Variants in PSD2 observed in about 807,000 individuals in gnomAD.
The protein encoded by PSD2 is pleckstrin and Sec7 domain containing 2.
In PSD2, 38 loss-of-function variants were observed where a neutral mutation model predicts 69.8. That is an observed-to-expected ratio of 0.54 (90% CI 0.42 to 0.71). The LOEUF is 0.71. Among genes scored for constraint, PSD2 ranks in the 30% least tolerant of loss-of-function variants. The pLI, the probability that PSD2 is intolerant of heterozygous loss-of-function variation, is 0.00. For synonymous variants in PSD2, 412 were observed against 423.0 expected (o/e 0.97, Z 0.32); for missense variants, 943 against 1,014.5 (o/e 0.93, Z 0.96).
chr5:139,801,204 CAAA>C (rs56715764), intron 1 of PSD2, among the ~76,000 whole-genome samples: 6 of 127,088 alleles, frequency 4.7e-5, no homozygotes, highest in African/African-American at 5.6e-5. Flanking sequence ...GACTCCATCT[CAAA>C]AAAAAAAAAA....
At chr5:139,795,381 C>G (rs1759492960), upstream of PSD2, among the ~76,000 whole-genome samples, 5 of 152,158 alleles carry the variant, frequency 3.3e-5, no homozygotes, top group South Asian at 1.0e-3. The surrounding 1 kb of genome is among the most constrained non-coding windows in gnomAD (Gnocchi z 4.5). Context: ...ACTCCCTGAA[C>G]AGACCGCGGG....
At chr5:139,831,195 A>G (rs1214276217) in intron 7 of PSD2, among the ~76,000 whole-genome samples, 1 of 152,146 alleles carries the variant, frequency 6.6e-6, no homozygotes, top group African/African-American at 2.4e-5. Flanking sequence ...TATGTCTAGT[A>G]ATGCTTCTTG....
chr5:139,836,909 C>T lies in PSD2; in HGVS notation c.1502C>T (p.Pro501Leu), dbSNP rs775417194. The T allele has an allele frequency of 2.5e-6, 4 of 1,614,168 alleles. No individual in the cohort carries two copies. The highest frequency in any genetic ancestry group is 3.4e-6 in the Non-Finnish European group (4 of 1,180,020). The change falls in exon 10 of 15, where the codon CCC becomes CTC. Residue 501 changes from proline (P) to leucine (L), a missense_variant. Transcript: ENST00000274710. Reference sequence around the variant, plus strand: ...ACGCGAATCCTGGATGGTGGCAACCCCTTCCTGGATGTCCCACAGGCGCTC... The same window carrying T: ...ACGCGAATCCTGGATGGTGGCAACCTCTTCCTGGATGTCCCACAGGCGCTC... ...KVTRILDGGN[P>L]FLDVPQALSA...
At chr5:139,810,933 C>T (rs1561595787) in intron 2 of PSD2, among the ~76,000 whole-genome samples, 1 of 152,104 alleles carries the variant, frequency 6.6e-6, no homozygotes, top group Non-Finnish European at 1.5e-5. Context: ...GGCCACCCCT[C>T]AGCCTTGCTC....
intron 5 of PSD2, among the ~76,000 whole-genome samples, chr5:139,820,502 T>C (rs560187138): frequency 1.6e-4 from 25 of 152,200 alleles, no homozygotes; most frequent in African/African-American, 5.5e-4. Flanking sequence ...CCTCAGAGTG[T>C]AAGGGCTGGC....
At chr5:139,766,793 G>A in the PSD2 span, among the ~76,000 whole-genome samples, 1 of 151,504 alleles carries the variant, frequency 6.6e-6, no homozygotes, top group South Asian at 2.1e-4. Flanking sequence ...AAAGAGCACT[G>A]ACTGGCCTGG....
At chr5:139,783,562 T>TAA in the PSD2 span, among the ~76,000 whole-genome samples, 2 of 152,220 alleles carry the variant, frequency 1.3e-5, no homozygotes, top group South Asian at 2.1e-4. Flanking sequence ...GACACCAGGT[T>TAA]GTTTCCACCT....
chr5:139,804,786 C>G (rs1759756792), intron 1 of PSD2, among the ~76,000 whole-genome samples: 1 of 152,044 alleles, frequency 6.6e-6, no homozygotes, highest in African/African-American at 2.4e-5. Flanking sequence ...TGCCCATAGG[C>G]CTGCCAGTGC....
chr5:139,760,080 C>G, the PSD2 span, among the ~76,000 whole-genome samples: 1 of 152,244 alleles, frequency 6.6e-6, no homozygotes, highest in African/African-American at 2.4e-5. Flanking sequence ...GCTCTACTCC[C>G]TGACCTTCGG....
At chr5:139,820,240 T>C (rs887162344) in intron 5 of PSD2, among the ~76,000 whole-genome samples, 8 of 149,652 alleles carry the variant, frequency 5.3e-5, no homozygotes, top group Non-Finnish European at 3.0e-5. Flanking sequence ...GGCTGGGGAG[T>C]AGGAGTTGGG....
the PSD2 span, among the ~76,000 whole-genome samples, chr5:139,744,631 C>T: frequency 2.0e-5 from 3 of 152,106 alleles, no homozygotes; most frequent in Non-Finnish European, 4.4e-5. Flanking sequence ...GCTCTCACAC[C>T]CTCCCCATGT....
At chr5:139,812,892 A>T (rs1760007388) in intron 2 of PSD2, among the ~76,000 whole-genome samples, 1 of 152,260 alleles carries the variant, frequency 6.6e-6, no homozygotes, top group South Asian at 2.1e-4. Flanking sequence ...GATGCCCACT[A>T]GTTCTCCGTG....
At chr5:139,796,153 C>T (rs1581705036) in intron 1 of PSD2, among the ~76,000 whole-genome samples, 178 bp downstream of exon 1, 1 of 152,170 alleles carries the variant, frequency 6.6e-6, no homozygotes, top group Non-Finnish European at 1.5e-5. Flanking sequence ...TCTGGAGCAT[C>T]CGAAGGATAC....
the PSD2 span, among the ~76,000 whole-genome samples, chr5:139,747,844 G>C: frequency 6.6e-6 from 1 of 152,256 alleles, no homozygotes; most frequent in Admixed American, 6.5e-5. The surrounding 1 kb of genome is among the most constrained non-coding windows in gnomAD (Gnocchi z 6.7). Flanking sequence ...CAAGGAGGGG[G>C]TGTAGGGGGA....
the PSD2 span, among the ~76,000 whole-genome samples, chr5:139,776,850 C>T: frequency 6.6e-6 from 1 of 152,130 alleles, no homozygotes. Context: ...ATTCTCCTGG[C>T]CAGCCTATAA....
chr5:139,807,278 C>T lies in PSD2; in HGVS notation c.-50-2113C>T, dbSNP rs186057422. ...GCCAATGCTCATCCAGGCCCCTGGG[C>T]TAGAAAGCAGGTCAGAGGACTGGAA... is the stretch of plus-strand genomic sequence containing the variant. On this transcript the variant is annotated intron_variant, in intron 1 of 14. Transcript: ENST00000274710. Among the ~76,000 whole-genome samples the T allele has an allele frequency of 4.7e-3, 722 of 152,322 alleles. 3 individuals are homozygous for T. Among genetic ancestry groups the T allele is most frequent in the Middle Eastern group, 0.01 (3 of 294 alleles).
rs573396626 is a variant in PSD2 at position 139,838,709 on chromosome 5, T to C, written c.1905T>C (p.Ala635=). Residue 635 remains alanine (A), a synonymous_variant, in exon 13 of 15, where the codon GCT becomes GCC. Transcript: ENST00000274710. ...AIFSAPAFPA[A]VSSMKKFCRP... The stretch of plus-strand genomic sequence containing the variant: ...TCTCTGCCCCGGCCTTCCCAGCCGC[T>C]GTCAGCTCCATGAAGAAGTTCTGTC... The C allele has an allele frequency of 1.9e-6, 3 of 1,613,990 alleles. No individual in the cohort carries two copies. Among genetic ancestry groups the C allele is most frequent in the African/African-American group, 2.7e-5 (2 of 75,006 alleles).
chr5:139,751,790 C>CTTTTT, the PSD2 span, among the ~76,000 whole-genome samples: 3 of 120,406 alleles, frequency 2.5e-5, no homozygotes, highest in South Asian at 2.7e-4. Context: ...AGGGTCCAGC[C>CTTTTT]TTTTTTTTTT....
intron 1 of PSD2, among the ~76,000 whole-genome samples, chr5:139,802,208 T>C (rs1432765522): frequency 6.6e-6 from 1 of 150,396 alleles, no homozygotes; most frequent in African/African-American, 2.4e-5. Flanking sequence ...AAGGCCACAG[T>C]TGGGGAGGCA....
Sources: gnomAD v4.1 joint callset for allele counts (sites outside exome capture counted in the v4.1 genomes callset) on GRCh38, gnomAD v4.1.1 for gene constraint, Gnocchi (gnomAD v3.1) non-coding constraint, MANE v1.5 for transcripts, NCBI Gene and HGNC (gene_info 2026-07-23, HGNC 2026-07-21) for gene names.